The following HNMT variants were observed in gnomAD, a reference collection of about 807,000 sequenced individuals.
HNMT encodes histamine N-methyltransferase.
HNMT carries 30 observed loss-of-function variants against 32.1 expected under a neutral mutation model. The ratio of observed to expected loss-of-function variants is 0.93; its 90% CI spans 0.70 to 1.27. HNMT has a LOEUF of 1.27. HNMT is among the 50% of genes most tolerant of loss of function. The pLI is 0.00. For missense variants in HNMT, 327 were observed against 346.0 expected (o/e 0.95, Z 0.43); for synonymous variants, 125 against 119.0 (o/e 1.05, Z -0.33).
chr2:137,966,198 G>T (rs1399167030), intron 1 of HNMT, among the ~76,000 whole-genome samples: 1 of 152,096 alleles, frequency 6.6e-6, no homozygotes, highest in East Asian at 1.9e-4. Flanking sequence ...ATTGAGTGTG[G>T]AGCGAGCCTA....
At chr2:137,981,473 C>T in intron 2 of HNMT, 1 of 977,716 alleles carries the variant, frequency 1.0e-6, no homozygotes, top group South Asian at 1.6e-5. Flanking sequence ...CACACCGCAG[C>T]TTCCCCTTTC....
At position 138,014,393 on chromosome 2, in the gene HNMT, T is replaced by G. The variant is rs1681601967; in HGVS notation, c.*263T>G. The G allele has an allele frequency of 9.1e-6, 3 of 328,030 alleles. No individual in the cohort carries two copies. The highest frequency in any genetic ancestry group is 1.7e-5 in the Non-Finnish European group (3 of 179,464). The allele number at this position is 328,030 out of a possible 1,614,324, so 20.3% of individuals were successfully genotyped here. On this transcript the variant is annotated 3_prime_UTR_variant, in exon 6 of 6. Coordinates refer to ENST00000280097, the MANE Select transcript of HNMT (RefSeq NM_006895.3). ...AGCTAGAAAAATTAGATGACTGAAT[T>G]TCTATGGCATATTGATAATAAAATT... is the stretch of plus-strand genomic sequence containing the variant.
Position 137,982,035 on chromosome 2 carries a change from G to A in HNMT, c.190+11818G>A, listed in dbSNP as rs533951637. 2.8e-4 allele frequency among the ~76,000 whole-genome samples: 42 copies of A among 152,230 alleles called. 1 individual carries two copies. In the South Asian group the frequency reaches 4.1e-3, roughly 15 times the overall value. The stretch of plus-strand genomic sequence containing the variant: ...CGCCCAGATAATTTTTGTATTTTTA[G>A]TAGAGATTTCACCATGTTGGCCAGG... On this transcript the variant is annotated intron_variant, in intron 2 of 5. Coordinates refer to ENST00000280097, the MANE Select transcript of HNMT (RefSeq NM_006895.3).
chr2:138,005,619 C>T (rs960880857), intron 5 of HNMT, among the ~76,000 whole-genome samples: 6 of 151,994 alleles, frequency 3.9e-5, no homozygotes, highest in Admixed American at 2.0e-4. Context: ...AAAGGTTAAA[C>T]TATTTCAGAT....
chr2:137,974,076 T>C (rs956024139), intron 2 of HNMT, among the ~76,000 whole-genome samples: 8 of 151,926 alleles, frequency 5.3e-5, no homozygotes, highest in African/African-American at 1.9e-4. Context: ...ATTCTAATGT[T>C]AGGAAAATGT....
At chr2:138,007,259 C>T (rs1681356402) in intron 5 of HNMT, among the ~76,000 whole-genome samples, 3 of 152,036 alleles carry the variant, frequency 2.0e-5, no homozygotes, top group Non-Finnish European at 4.4e-5. Context: ...ACGTCTCTCT[C>T]TCCTAAGCCT....
intron 2 of HNMT, among the ~76,000 whole-genome samples, chr2:137,986,756 G>A (rs3113212): frequency 0.41 from 62,405 of 151,940 alleles, 12,985 homozygotes; most frequent in South Asian, 0.47. Context: ...TAAAAAAAGA[G>A]AATTAAAAAT....
At chr2:137,992,507 T>TCC (rs1359842412) in intron 2 of HNMT, among the ~76,000 whole-genome samples, 1 of 151,982 alleles carries the variant, frequency 6.6e-6, no homozygotes, top group Non-Finnish European at 1.5e-5. Flanking sequence ...GGGTGAGGCT[T>TCC]CCCCCACCAA....
Position 138,014,330 on chromosome 2 carries a change from C to T in HNMT, c.*200C>T. ...CTGCTGGTCTTATCCTGTCCCTCCT[C>T]CAGGTAGAGAGACCACAAGCAGGCT... On this transcript the variant is annotated 3_prime_UTR_variant, in exon 6 of 6. Coordinates refer to ENST00000280097, the MANE Select transcript of HNMT (RefSeq NM_006895.3). The T allele has an allele frequency of 2.2e-6, 1 of 456,744 alleles. No individual in the cohort carries two copies. Among genetic ancestry groups the T allele is most frequent in the Middle Eastern group, 5.7e-4 (1 of 1,758 alleles). The allele number at this position is 456,744 out of a possible 1,614,324, so 28.3% of individuals were successfully genotyped here.
chr2:137,999,307 T>C (rs1276897475), intron 2 of HNMT, among the ~76,000 whole-genome samples: 1 of 152,170 alleles, frequency 6.6e-6, no homozygotes, highest in Non-Finnish European at 1.5e-5. Flanking sequence ...TAGTCATCAG[T>C]GAAGAAATAC....
At chr2:137,990,593 A>G (rs1416728523) in intron 2 of HNMT, among the ~76,000 whole-genome samples, 1 of 152,186 alleles carries the variant, frequency 6.6e-6, no homozygotes, top group Admixed American at 6.5e-5. Context: ...TTAAAAATAC[A>G]TGTCTGCTAT....
intron 2 of HNMT, among the ~76,000 whole-genome samples, chr2:137,989,486 T>C (rs912700460): frequency 5.9e-5 from 9 of 152,262 alleles, no homozygotes; most frequent in Non-Finnish European, 1.2e-4. Flanking sequence ...CTTTTACTTA[T>C]CAGTTTATAT....
At chr2:137,980,306 G>A (rs1680451405) in intron 2 of HNMT, among the ~76,000 whole-genome samples, 1 of 152,246 alleles carries the variant, frequency 6.6e-6, no homozygotes, top group East Asian at 1.9e-4. Flanking sequence ...CAAAGTGCTG[G>A]GATTACAGGC....
At chr2:137,982,924 G>A (rs1680545182) in intron 2 of HNMT, among the ~76,000 whole-genome samples, 1 of 152,112 alleles carries the variant, frequency 6.6e-6, no homozygotes, top group Non-Finnish European at 1.5e-5. Context: ...ACTCTGTGGG[G>A]ACTTCCTTTA....
chr2:138,000,166 T>A (rs1475126249), intron 2 of HNMT, among the ~76,000 whole-genome samples: 1 of 152,180 alleles, frequency 6.6e-6, no homozygotes, highest in Admixed American at 6.5e-5. Flanking sequence ...TGTGTGTGCA[T>A]CTGTCATCTT....
At chr2:138,009,099 A>T (rs190961783) in intron 5 of HNMT, among the ~76,000 whole-genome samples, 131 of 152,246 alleles carry the variant, frequency 8.6e-4, no homozygotes, top group Non-Finnish European at 1.5e-3. Flanking sequence ...ACATGAATAA[A>T]CAATTCTCAA....
intron 2 of HNMT, among the ~76,000 whole-genome samples, chr2:137,980,302 G>A (rs1037828087): frequency 4.6e-5 from 7 of 152,164 alleles, no homozygotes; most frequent in African/African-American, 1.7e-4. Context: ...CTCCCAAAGT[G>A]CTGGGATTAC....
rs1323419933 is a variant in HNMT, at chr2:137,969,084, C to T, written c.138-1081C>T. On this transcript the variant is annotated intron_variant, in intron 1 of 5. Transcript: ENST00000280097. Reference sequence around the variant, plus strand: ...CTAAAGACACTCGTATTGCCAAATTCGATGGAGATTTTTCCTTTTTTAAGT... The same window carrying T: ...CTAAAGACACTCGTATTGCCAAATTTGATGGAGATTTTTCCTTTTTTAAGT... 2.6e-5 allele frequency among the ~76,000 whole-genome samples: 4 copies of T among 152,164 alleles called. No individual in the cohort carries two copies. In the South Asian group the frequency reaches 6.2e-4, roughly 24 times the overall value.
Position 138,014,189 on chromosome 2 carries a change from T to C in HNMT, c.*59T>C. 1 of 1,099,250 alleles carries C rather than the reference T, an allele frequency of 9.1e-7. No homozygotes were observed. Among genetic ancestry groups the C allele is most frequent in the Non-Finnish European group, 1.3e-6 (1 of 762,688 alleles). 68.1% of individuals were successfully genotyped at this position (1,099,250 alleles called of 1,614,324 possible). A position where few individuals can be genotyped will look rare whatever the true frequency, so the allele number is the denominator to read the frequency against. ...TTTTGAACAACTCGAATCACTCATTTATTTCCATATTAAAATCACAAACTC... is the reference window on the plus strand; with the variant it reads ...TTTTGAACAACTCGAATCACTCATTCATTTCCATATTAAAATCACAAACTC... On this transcript the variant is annotated 3_prime_UTR_variant, in exon 6 of 6. Transcript: ENST00000280097.
Sources: allele counts gnomAD v4.1 joint callset (sites outside exome capture counted in the v4.1 genomes callset), GRCh38; gene constraint gnomAD v4.1.1; transcripts MANE v1.5; gene names NCBI Gene and HGNC (gene_info 2026-07-23, HGNC 2026-07-21).